DAB1: variants seen among roughly 807,000 people sequenced by gnomAD.
The protein encoded by DAB1 is disabled homolog 1.
A neutral mutation model predicts 64.6 loss-of-function variants in DAB1; 15 were observed. The observed-to-expected ratio is 0.23, with a 90% CI of 0.16 to 0.36. The LOEUF (loss-of-function observed/expected upper bound fraction) is 0.36, where lower values mean the gene tolerates loss of function less well. Among genes scored for constraint, DAB1 ranks in the 10% least tolerant of loss-of-function variants. The pLI is 1.00. For missense variants in DAB1, 596 were observed against 706.7 expected (o/e 0.84, Z 1.78); for synonymous variants, 235 against 251.9 (o/e 0.93, Z 0.64).
chr1:57,779,347 A>G (rs1160743296), intron 6 of DAB1, among the ~76,000 whole-genome samples: 1 of 152,166 alleles, frequency 6.6e-6, no homozygotes, highest in African/African-American at 2.4e-5. Flanking sequence ...CTGAAGCGAA[A>G]TGAAGGATGG....
At chr1:57,641,366 C>CT (rs1327939060) in intron 7 of DAB1, among the ~76,000 whole-genome samples, 6 of 115,398 alleles carry the variant, frequency 5.2e-5, no homozygotes, top group Admixed American at 9.5e-5. Flanking sequence ...CCAGTTCCCT[C>CT]TTTTTTTTGT....
intron 7 of DAB1, among the ~76,000 whole-genome samples, chr1:57,494,594 C>G (rs1380598914): frequency 6.6e-6 from 1 of 152,214 alleles, no homozygotes; most frequent in Non-Finnish European, 1.5e-5. Flanking sequence ...ACATGGGCTG[C>G]TCCTCGAGGT....
chr1:58,442,371 A>T (rs544276952), intron 3 of DAB1, among the ~76,000 whole-genome samples: 2 of 152,236 alleles, frequency 1.3e-5, no homozygotes, highest in East Asian at 3.9e-4. Flanking sequence ...ATGACACAAG[A>T]TTTCTTATTA....
intron 2 of DAB1, among the ~76,000 whole-genome samples, chr1:57,251,865 G>A (rs932352682): frequency 6.6e-6 from 1 of 152,156 alleles, no homozygotes; most frequent in East Asian, 1.9e-4. Context: ...ATGGGCACAT[G>A]GTGTGCTGAG....
chr1:58,162,317 C>G (rs966370798), intron 4 of DAB1, among the ~76,000 whole-genome samples: 1 of 152,220 alleles, frequency 6.6e-6, no homozygotes, highest in South Asian at 2.1e-4. Context: ...AAGTCTCTGT[C>G]AGCCCACAGC....
intron 7 of DAB1, among the ~76,000 whole-genome samples, chr1:57,502,335 A>AAAAG (rs1553188310): frequency 9.6e-4 from 141 of 146,600 alleles, no homozygotes; most frequent in African/African-American, 3.3e-3. Context: ...AAAAAAAAAA[A>AAAAG]AAAGAAAGAA....
intron 2 of DAB1, among the ~76,000 whole-genome samples, chr1:58,521,749 A>G (rs910633501): frequency 1.7e-4 from 26 of 152,204 alleles, no homozygotes; most frequent in Admixed American, 6.5e-4. Flanking sequence ...TATCTATTAA[A>G]GAGACTGAAT....
At chr1:58,327,286 A>C (rs1662855579) in intron 4 of DAB1, among the ~76,000 whole-genome samples, 1 of 152,192 alleles carries the variant, frequency 6.6e-6, no homozygotes, top group South Asian at 2.1e-4. Context: ...GGGAAAAAGA[A>C]GAAAGGGAGG....
chr1:58,133,020 T>C (rs375597391), intron 5 of DAB1, among the ~76,000 whole-genome samples: 2 of 152,330 alleles, frequency 1.3e-5, no homozygotes, highest in African/African-American at 4.8e-5. Context: ...TGTATTTACA[T>C]ACAAAAAGCT....
chr1:58,301,240 G>A (rs570252760), intron 4 of DAB1, among the ~76,000 whole-genome samples: 3 of 147,350 alleles, frequency 2.0e-5, no homozygotes, highest in South Asian at 4.5e-4. Context: ...GGAGAGGGGG[G>A]GGTCATGAAA....
At chr1:58,458,926 T>C (rs112521740) in intron 3 of DAB1, among the ~76,000 whole-genome samples, 4 of 152,346 alleles carry the variant, frequency 2.6e-5, no homozygotes, top group African/African-American at 7.2e-5. Flanking sequence ...TTCCTCATTA[T>C]ATAAGGATAT....
At position 57,557,713 on chromosome 1, in the gene DAB1, T is replaced by G. The variant is rs898728782; in HGVS notation, n.625+91879A>C. ...TGTTTAGAGAGTTATGCAAAATAAA[T>G]GCATTTGACACTCCTGATTCATCGT... On this transcript the variant is annotated intron_variant and non_coding_transcript_variant, in intron 7 of 20. Transcript: ENST00000485760. Among the ~76,000 whole-genome samples the G allele has an allele frequency of 1.7e-4, 26 of 152,164 alleles. No individual in the cohort carries two copies. The Middle Eastern group carries it at 0.01, about 60-fold the overall frequency.
intron 2 of DAB1, among the ~76,000 whole-genome samples, chr1:57,273,322 T>C (rs1671161842): frequency 6.6e-6 from 1 of 152,158 alleles, no homozygotes; most frequent in Non-Finnish European, 1.5e-5. Context: ...CAGACACCCT[T>C]CTTCATGTCT....
chr1:58,153,459 C>T (rs1655054883), intron 4 of DAB1, among the ~76,000 whole-genome samples: 1 of 152,112 alleles, frequency 6.6e-6, no homozygotes, highest in Non-Finnish European at 1.5e-5. Context: ...GAAATAGATC[C>T]CAGCTGAATT....
At chr1:58,518,603 A>G (rs1487091859) in intron 2 of DAB1, among the ~76,000 whole-genome samples, 2 of 150,938 alleles carry the variant, frequency 1.3e-5, no homozygotes, top group East Asian at 3.9e-4. Context: ...AAAAATTAAG[A>G]GTAAATGATA....
chr1:57,687,266 T>C (rs1646708962), intron 6 of DAB1, among the ~76,000 whole-genome samples: 1 of 151,642 alleles, frequency 6.6e-6, no homozygotes, highest in Non-Finnish European at 1.5e-5. Context: ...AAGTTGAGAA[T>C]CAAAGAACAC....
intron 3 of DAB1, among the ~76,000 whole-genome samples, chr1:58,448,237 T>G (rs1262417276): frequency 3.3e-5 from 5 of 152,234 alleles, no homozygotes; most frequent in African/African-American, 7.2e-5. Context: ...TTACTTTGAT[T>G]GGCTTAGATC....
intron 2 of DAB1, among the ~76,000 whole-genome samples, chr1:57,155,281 C>CT (rs890821005): frequency 8.6e-5 from 13 of 151,918 alleles, no homozygotes; most frequent in African/African-American, 2.7e-4. Context: ...ATTAGAGAGA[C>CT]TTTTTTTTCC....
At chr1:57,123,500 G>A (rs529873732) in intron 4 of DAB1, among the ~76,000 whole-genome samples, 88 of 151,900 alleles carry the variant, frequency 5.8e-4, no homozygotes, top group African/African-American at 1.9e-3. Context: ...TAAAACAGAC[G>A]GCATCATACA....
Sources: allele counts gnomAD v4.1 joint callset (sites outside exome capture counted in the v4.1 genomes callset), GRCh38; gene constraint gnomAD v4.1.1; transcripts MANE v1.5; gene names NCBI Gene and HGNC (gene_info 2026-07-23, HGNC 2026-07-21).